Variants in BOC observed in about 807,000 individuals in gnomAD.
BOC encodes brother of CDO.
BOC carries 76 observed loss-of-function variants against 112.0 expected under a neutral mutation model. The ratio of observed to expected loss-of-function variants is 0.68; its 90% CI spans 0.56 to 0.82. The LOEUF (loss-of-function observed/expected upper bound fraction) is 0.82, where lower values mean the gene tolerates loss of function less well. BOC is among the 40% of genes least tolerant of loss of function. The pLI is 0.00. For synonymous variants in BOC, 580 were observed against 599.8 expected, an observed-to-expected ratio of 0.97 and a Z score of 0.48; for missense variants, 1,309 against 1,511.7, an observed-to-expected ratio of 0.87 and a Z score of 2.22.
intron 15 of BOC, among the ~76,000 whole-genome samples, chr3:113,282,626 T>C (rs895294486): frequency 6.6e-6 from 1 of 151,456 alleles, no homozygotes; most frequent in African/African-American, 2.4e-5. Flanking sequence ...GGTGGGGAGA[T>C]TGGTTTGCGG....
intron 6 of BOC, chr3:113,271,398 C>T (rs35902417): frequency 0.11 from 37,021 of 349,378 alleles, 2,497 homozygotes; most frequent in Middle Eastern, 0.22. Flanking sequence ...CTGCACCACC[C>T]TCTGGTGAGC....
At chr3:113,268,898 G>A (rs1947809468) in intron 5 of BOC, among the ~76,000 whole-genome samples, 1 of 152,198 alleles carries the variant, frequency 6.6e-6, no homozygotes, top group African/African-American at 2.4e-5. Context: ...GCTTGGTCAT[G>A]TGTTCTTTCT....
At chr3:113,245,737 G>T (rs2107318652) in intron 2 of BOC, among the ~76,000 whole-genome samples, 1 of 152,128 alleles carries the variant, frequency 6.6e-6, no homozygotes, top group East Asian at 1.9e-4. Flanking sequence ...TCGTATTCTT[G>T]CCACTTGAAG....
intron 2 of BOC, among the ~76,000 whole-genome samples, chr3:113,224,422 T>C (rs1040677276): frequency 1.3e-5 from 2 of 152,160 alleles, no homozygotes; most frequent in Non-Finnish European, 2.9e-5. Context: ...TTCAGAACAC[T>C]CACCAGCCAC....
At chr3:113,246,153 G>A (rs1944898673) in intron 2 of BOC, among the ~76,000 whole-genome samples, 1 of 152,130 alleles carries the variant, frequency 6.6e-6, no homozygotes, top group Non-Finnish European at 1.5e-5. Flanking sequence ...TTATTTCAGT[G>A]GAGAACATGT....
In BOC at chr3:113,278,394, T is replaced by C; in HGVS notation, c.1705+137T>C. 4 of 1,081,944 alleles carry C rather than the reference T, an allele frequency of 3.7e-6. No individual in the cohort carries two copies. Among genetic ancestry groups the C allele is most frequent in the Non-Finnish European group, 5.3e-6 (4 of 749,342 alleles). The allele number at this position is 1,081,944 out of a possible 1,614,324, so 67.0% of individuals were successfully genotyped here. A position where few individuals can be genotyped will look rare whatever the true frequency, so the allele number is the denominator to read the frequency against. The stretch of plus-strand genomic sequence containing the variant: ...ATCTTTCCTTCCAGCTACTGCCTCC[T>C]TGTGGTTTGTGTGCTAGGCTGAGGT... On this transcript the variant is annotated intron_variant, in intron 10 of 19. Coordinates refer to ENST00000682979, the MANE Select transcript of BOC (RefSeq NM_001378074.1). The surrounding 1 kb of genome is among the most constrained non-coding windows in gnomAD (Gnocchi z 4.2).
chr3:113,284,337 C>T lies in BOC; in HGVS notation c.2659C>T (p.His887Tyr), dbSNP rs1559891655. The T allele has an allele frequency of 3.7e-6, 6 of 1,613,690 alleles. No homozygotes were observed. The highest frequency in any genetic ancestry group is 2.2e-5 in the East Asian group (1 of 44,874). Residue 887 changes from histidine (H) to tyrosine (Y), a missense_variant and splice_region_variant, in exon 17 of 20, where the codon CAT (histidine) becomes TAT (tyrosine). By Grantham distance (83) the His-to-Tyr change is moderately conservative (BLOSUM62 2). Coordinates refer to ENST00000682979, the MANE Select transcript of BOC (RefSeq NM_001378074.1). ...CLWRAWSKQK[H>Y]TTDLGFPRSA... ...CCTTTATTTTTCTGTCCTTCCAGAA[C>T]ATACAACAGACCTGGGTTTTCCTCG...
At chr3:113,239,036 G>A (rs374453134) in intron 2 of BOC, among the ~76,000 whole-genome samples, 46 of 152,326 alleles carry the variant, frequency 3.0e-4, no homozygotes, top group African/African-American at 9.9e-4. Flanking sequence ...TGTTAAGCAC[G>A]TGAAATGTGG....
rs1166415704 is a variant in BOC at position 113,278,695 on chromosome 3, C to T, written c.1728C>T (p.Ile576=). ...CAGGACGGCGGCCCAAACCCGAGAT[C>T]ATGGCCAGCAAAGAGCAGCAGATCC... ...FRTGRRPKPE[I]MASKEQQIQR... Residue 576 remains isoleucine (I), a synonymous_variant, in exon 11 of 20, where the codon ATC becomes ATT. Coordinates refer to ENST00000682979, the MANE Select transcript of BOC (RefSeq NM_001378074.1). This position sits in a 1 kb window ranked among gnomAD's most constrained non-coding sequence, Gnocchi z 4.2. The T allele has an allele frequency of 6.4e-7, 1 of 1,568,172 alleles. No individual in the cohort carries two copies. Among genetic ancestry groups the T allele is most frequent in the Non-Finnish European group, 8.6e-7 (1 of 1,156,082 alleles).
At chr3:113,245,265 T>G (rs1223040808) in intron 2 of BOC, among the ~76,000 whole-genome samples, 1 of 152,206 alleles carries the variant, frequency 6.6e-6, no homozygotes, top group East Asian at 1.9e-4. Flanking sequence ...TTCTCTTTTT[T>G]TAGAGACAGA....
intron 2 of BOC, among the ~76,000 whole-genome samples, chr3:113,230,569 A>G (rs770509650): frequency 3.3e-5 from 5 of 152,116 alleles, no homozygotes; most frequent in South Asian, 2.1e-4. Context: ...AATACTACCG[A>G]CCTCATATAG....
intron 2 of BOC, among the ~76,000 whole-genome samples, chr3:113,220,069 A>G (rs1940295066): frequency 6.6e-6 from 1 of 151,908 alleles, no homozygotes; most frequent in African/African-American, 2.4e-5. Context: ...GATACTTTTT[A>G]CTGGTCAGGA....
At chr3:113,230,145 T>C (rs1324769845) in intron 2 of BOC, among the ~76,000 whole-genome samples, 1 of 152,208 alleles carries the variant, frequency 6.6e-6, no homozygotes, top group Admixed American at 6.5e-5. Context: ...TGTCTCTCAG[T>C]ACATAGTGGT....
Position 113,214,110 on chromosome 3 carries a change from G to A in BOC, c.-169-2077G>A, listed in dbSNP as rs933634071. Among the ~76,000 whole-genome samples, 6 of 152,206 alleles carry A rather than the reference G, an allele frequency of 3.9e-5. No homozygotes were observed. The South Asian group carries it at 6.2e-4, about 16-fold the overall frequency. On this transcript the variant is annotated intron_variant, in intron 1 of 19. Transcript: ENST00000682979. Reference sequence around the variant, plus strand: ...AAAAGAGGTTGCTAGAAGCCAGAATGGTTGATTCTTTGACTACAACTGGAG... The same window carrying A: ...AAAAGAGGTTGCTAGAAGCCAGAATAGTTGATTCTTTGACTACAACTGGAG...
chr3:113,240,300 A>G (rs531396665), intron 2 of BOC, among the ~76,000 whole-genome samples: 55 of 152,342 alleles, frequency 3.6e-4, no homozygotes, highest in African/African-American at 1.3e-3. Context: ...TAGCAGTTTC[A>G]GCTGACTTAG....
intron 2 of BOC, among the ~76,000 whole-genome samples, chr3:113,223,579 TA>T (rs1030930095): frequency 2.0e-5 from 3 of 152,196 alleles, no homozygotes; most frequent in African/African-American, 7.2e-5. Flanking sequence ...TTTCACTCCC[TA>T]AAAATCCCTT....
intron 16 of BOC, among the ~76,000 whole-genome samples, chr3:113,284,058 T>C (rs998759240): frequency 5.3e-5 from 8 of 152,090 alleles, no homozygotes; most frequent in Admixed American, 6.5e-5. Context: ...CCTCTAAATA[T>C]TGTTCTTCTT....
intron 15 of BOC, among the ~76,000 whole-genome samples, chr3:113,281,363 ATAAT>A (rs1949184859): frequency 6.6e-6 from 1 of 152,226 alleles, no homozygotes; most frequent in Non-Finnish European, 1.5e-5. Context: ...AAGGAACTTG[ATAAT>A]TAACTCATCC....
intron 2 of BOC, among the ~76,000 whole-genome samples, chr3:113,225,116 C>A (rs1223006312): frequency 2.0e-5 from 3 of 149,930 alleles, no homozygotes; most frequent in Admixed American, 2.0e-4. Context: ...AAACAAAAAA[C>A]CACAAAAATA....
Sources: allele counts gnomAD v4.1 joint callset (sites outside exome capture counted in the v4.1 genomes callset), GRCh38; gene constraint gnomAD v4.1.1; non-coding constraint Gnocchi (gnomAD v3.1); transcripts MANE v1.5; gene names NCBI Gene and HGNC (gene_info 2026-07-23, HGNC 2026-07-21).